The following RPRD2 variants were observed in gnomAD, a reference collection of about 807,000 sequenced individuals.
RPRD2 encodes the protein regulation of nuclear pre-mRNA domain containing 2, also known as regulation of nuclear pre-mRNA domain-containing protein 2.
A neutral mutation model predicts 104.4 loss-of-function variants in RPRD2; 12 were observed. The ratio of observed to expected loss-of-function variants is 0.11; its 90% confidence interval spans 0.07 to 0.19. The LOEUF (loss-of-function observed/expected upper bound fraction) is 0.19, where lower values mean the gene tolerates loss of function less well. Among genes scored for constraint, RPRD2 ranks in the 10% least tolerant of loss-of-function variants. The probability of loss-of-function intolerance (pLI) is 1.00; values close to 1 mark genes in which losing one functional copy is unlikely to be tolerated. For missense variants in RPRD2, 1,543 were observed against 1,790.1 expected (o/e 0.86, Z 2.49); for synonymous variants, 714 against 684.9 (o/e 1.04, Z -0.66).
chr1:150,383,308 T>TG (rs1167869610), intron 1 of RPRD2, among the ~76,000 whole-genome samples: 34 of 143,212 alleles, frequency 2.4e-4, no homozygotes, highest in African/African-American at 8.3e-4. Flanking sequence ...AATAAGAGGT[T>TG]TTTTTTTTTT....
Position 150,473,004 on chromosome 1 carries a change from C to T in RPRD2, c.4056C>T (p.Pro1352=), listed in dbSNP as rs991784165. 1.9e-6 allele frequency: 3 copies of T among 1,614,028 alleles called. No individual in the cohort carries two copies. Among genetic ancestry groups the T allele is most frequent in the Non-Finnish European group, 2.5e-6 (3 of 1,179,900 alleles). The change falls in exon 11 of 11, where the codon CCC becomes CCT. Residue 1352 remains proline (P), a synonymous_variant. Transcript: ENST00000369068. ...VLPGPRDHGG[P]TQRDLNGPGL... is the part of the protein sequence containing the mutation. ...CAGGACCCAGGGACCACGGGGGCCC[C>T]ACCCAACGGGACCTCAACGGCCCTG...
intron 1 of RPRD2, among the ~76,000 whole-genome samples, chr1:150,407,880 G>A (rs1409994857): frequency 6.6e-6 from 1 of 152,144 alleles, no homozygotes; most frequent in South Asian, 2.1e-4. Flanking sequence ...TGTTATGGAC[G>A]ATCTAATCTA....
intron 10 of RPRD2, among the ~76,000 whole-genome samples, chr1:150,469,272 T>A (rs990525635): frequency 2.2e-4 from 34 of 152,166 alleles, no homozygotes; most frequent in African/African-American, 8.2e-4. Flanking sequence ...TATTAAAAAT[T>A]TTTTTAATTA....
At chr1:150,438,556 G>C (rs1666180593) in intron 2 of RPRD2, among the ~76,000 whole-genome samples, 1 of 151,994 alleles carries the variant, frequency 6.6e-6, no homozygotes, top group South Asian at 2.1e-4. Context: ...TTGAACCCAG[G>C]AGGCGGAAGT....
chr1:150,444,010 T>C (rs782399700), intron 5 of RPRD2, among the ~76,000 whole-genome samples: 1 of 152,150 alleles, frequency 6.6e-6, no homozygotes, highest in Non-Finnish European at 1.5e-5. Flanking sequence ...AGAGCGAGAC[T>C]CCATTTCAAA....
intron 1 of RPRD2, among the ~76,000 whole-genome samples, chr1:150,416,821 G>T (rs1175238391): frequency 1.4e-5 from 2 of 138,906 alleles, no homozygotes; most frequent in African/African-American, 5.3e-5. Context: ...GCAGTGAGCT[G>T]AGATTGCGCC....
intron 1 of RPRD2, among the ~76,000 whole-genome samples, chr1:150,402,813 G>A (rs1007604601): frequency 5.3e-5 from 8 of 152,162 alleles, no homozygotes; most frequent in African/African-American, 1.9e-4. Flanking sequence ...CTAAAAATAC[G>A]AAAATTAGCC....
chr1:150,385,661 C>A (rs1204275317), intron 1 of RPRD2, among the ~76,000 whole-genome samples: 7 of 152,056 alleles, frequency 4.6e-5, no homozygotes, highest in Admixed American at 3.9e-4. Flanking sequence ...CTAGAGGTAC[C>A]CTTAGTGTTG....
In RPRD2 at chr1:150,444,072, T is replaced by C. The variant is rs1220346972; in HGVS notation, c.568-179T>C. 3.3e-5 allele frequency among the ~76,000 whole-genome samples: 5 copies of C among 152,350 alleles called. No homozygotes were observed. The East Asian group carries it at 9.6e-4, about 29-fold the overall frequency. ...ACTAAACATGGTTTTGACATGATAA[T>C]TGATCATTAATATCTGTCACCATGA... On this transcript the variant is annotated intron_variant, in intron 5 of 10. Coordinates refer to ENST00000369068, the MANE Select transcript of RPRD2 (RefSeq NM_015203.5).
At chr1:150,373,803 TG>T (rs1660507059) in intron 1 of RPRD2, among the ~76,000 whole-genome samples, 1 of 152,212 alleles carries the variant, frequency 6.6e-6, no homozygotes, top group Non-Finnish European at 1.5e-5. Context: ...GTATATGGAT[TG>T]TTTTTAGAGC....
intron 1 of RPRD2, among the ~76,000 whole-genome samples, chr1:150,383,359 G>GAGTGC (rs1353240076): frequency 1.4e-5 from 2 of 147,870 alleles, no homozygotes; most frequent in Non-Finnish European, 3.0e-5. Context: ...GCCTAGGCTG[G>GAGTGC]AGTGCAGTGC....
chr1:150,441,703 G>A (rs1553894486), intron 3 of RPRD2, 178 bp from the exon 4 acceptor site: 1 of 472,594 alleles, frequency 2.1e-6, no homozygotes, highest in African/African-American at 2.0e-5. Flanking sequence ...GTGTTTATTT[G>A]ACAGCTTCTT....
In RPRD2 at chr1:150,443,296, A is replaced by G; in HGVS notation, c.567+13A>G. 1 of 1,548,736 alleles carries G rather than the reference A, an allele frequency of 6.5e-7. No homozygotes were observed. Among genetic ancestry groups the G allele is most frequent in the East Asian group, 2.3e-5 (1 of 42,638 alleles). ...TGCTGAATTTCGAGTAAGTTACAGA[A>G]TTTGTTTAATATAGCAAAGTATTAT... is the stretch of plus-strand genomic sequence containing the variant. On this transcript the variant is annotated intron_variant, in intron 5 of 10. Transcript: ENST00000369068.
intron 6 of RPRD2, among the ~76,000 whole-genome samples, 180 bp from the exon 7 acceptor site, chr1:150,446,046 C>T (rs587634817): frequency 4.4e-5 from 6 of 137,460 alleles, no homozygotes; most frequent in Non-Finnish European, 9.1e-5. Context: ...CTAGCCTGGG[C>T]GACAGAGTGA....
Position 150,471,854 on chromosome 1 carries a change from T to C in RPRD2, c.2906T>C (p.Val969Ala). 6.2e-7 allele frequency: 1 copy of C among 1,613,918 alleles called. No individual in the cohort carries two copies. The highest frequency in any genetic ancestry group is 1.1e-5 in the South Asian group (1 of 91,076). The change falls in exon 11 of 11, where the codon GTC becomes GCC. Residue 969 changes from valine (V) to alanine (A), a missense_variant. Transcript: ENST00000369068. The surrounding 1 kb of genome is among the most constrained non-coding windows in gnomAD (Gnocchi z 5.3). ...QKQYPDSPHP[V>A]PHRSLFSPQN... ...CAGTACCCAGACTCTCCTCACCCAG[T>C]CCCACATCGTTCCCTTTTCTCTCCG...
intron 2 of RPRD2, among the ~76,000 whole-genome samples, chr1:150,419,175 T>C (rs1317886233): frequency 1.3e-5 from 2 of 152,206 alleles, no homozygotes; most frequent in Non-Finnish European, 2.9e-5. Context: ...CTGTGTTCTT[T>C]GTGTTGCATC....
chr1:150,472,758 A>T lies in RPRD2; in HGVS notation c.3810A>T (p.Pro1270=). Residue 1270 remains proline, a synonymous_variant, in exon 11 of 11, where the codon CCA becomes CCT. Coordinates refer to ENST00000369068, the MANE Select transcript of RPRD2 (RefSeq NM_015203.5). ...GEHSGIPFPT[P]PPPPPPGEHS... is the part of the protein sequence containing the mutation. ...ACAGTGGAATTCCTTTCCCTACCCC[A>T]CCTCCTCCTCCCCCTCCTGGGGAAC... 6.2e-7 allele frequency: 1 copy of T among 1,603,736 alleles called. No individual in the cohort carries two copies. The highest frequency in any genetic ancestry group is 8.5e-7 in the Non-Finnish European group (1 of 1,175,320).
chr1:150,420,391 T>G (rs970580671), intron 2 of RPRD2, among the ~76,000 whole-genome samples: 8 of 152,214 alleles, frequency 5.3e-5, no homozygotes, highest in African/African-American at 1.9e-4. Flanking sequence ...CAAGAATGTT[T>G]TAACTCAGTG....
chr1:150,459,944 T>G lies in RPRD2; in HGVS notation c.1154-116T>G, dbSNP rs1245254416. 4.7e-6 allele frequency: 4 copies of G among 857,532 alleles called. No individual in the cohort carries two copies. The African/African-American group carries it at 5.1e-5, about 11-fold the overall frequency. 53.1% of individuals were successfully genotyped at this position (857,532 alleles called of 1,614,324 possible). A position where few individuals can be genotyped will look rare whatever the true frequency, so the allele number is the denominator to read the frequency against. On this transcript the variant is annotated intron_variant, in intron 8 of 10. Transcript: ENST00000369068. ...AAAAGCATGAAGTGAGTCGTTGTTT[T>G]CTCTAAAGTAGTGCCTTTTCCCCCA...
Sources: gnomAD v4.1 joint callset for allele counts (sites outside exome capture counted in the v4.1 genomes callset) on GRCh38, gnomAD v4.1.1 for gene constraint, Gnocchi (gnomAD v3.1) non-coding constraint, MANE v1.5 for transcripts, NCBI Gene and HGNC (gene_info 2026-07-23, HGNC 2026-07-21) for gene names.